Variants in PPP4R2 observed in about 807,000 individuals in gnomAD.
PPP4R2 encodes the protein protein phosphatase 4 regulatory subunit 2, also known as serine/threonine-protein phosphatase 4 regulatory subunit 2.
PPP4R2 carries 13 observed loss-of-function variants against 47.2 expected under a neutral mutation model. The observed-to-expected ratio is 0.28, with a 90% CI of 0.18 to 0.44. The LOEUF (loss-of-function observed/expected upper bound fraction) is 0.44, where lower values mean the gene tolerates loss of function less well. Among genes scored for constraint, PPP4R2 ranks in the 20% least tolerant of loss-of-function variants. The probability of loss-of-function intolerance (pLI) is 1.00; values close to 1 mark genes in which losing one functional copy is unlikely to be tolerated. For missense variants in PPP4R2, 421 were observed against 491.2 expected, an observed-to-expected ratio of 0.86 and a Z score of 1.35; for synonymous variants, 151 against 163.3, an observed-to-expected ratio of 0.92 and a Z score of 0.57.
chr3:73,013,988 T>C (rs1402040022), intron 2 of PPP4R2, among the ~76,000 whole-genome samples: 1 of 132,994 alleles, frequency 7.5e-6, no homozygotes, highest in African/African-American at 2.6e-5. Context: ...CTCGTTGTCT[T>C]CATGGGCTGC....
At chr3:73,032,836 T>G (rs996376259) in intron 2 of PPP4R2, among the ~76,000 whole-genome samples, 1 of 152,182 alleles carries the variant, frequency 6.6e-6, no homozygotes, top group African/African-American at 2.4e-5. Flanking sequence ...TTAATGCTAT[T>G]TTTTTCATTT....
rs941589974 is a variant in PPP4R2 at position 73,002,728 on chromosome 3, G to T, written c.116+4570G>T. On this transcript the variant is annotated intron_variant, in intron 2 of 8. Transcript: ENST00000356692. ...GCGATCTCGGCTCGCTACAACCTCT[G>T]CCTCCTGGGTTCAAGCGATTTTCCT... Among the ~76,000 whole-genome samples the T allele has an allele frequency of 4.9e-5, 7 of 141,842 alleles. No homozygotes were observed. The Admixed American group carries it at 5.4e-4, about 11-fold the overall frequency. 93.1% of individuals were successfully genotyped at this position (141,842 alleles called of 152,430 possible). A position where few individuals can be genotyped will look rare whatever the true frequency, so the allele number is the denominator to read the frequency against.
At chr3:73,006,190 A>AT (rs71624000) in intron 2 of PPP4R2, among the ~76,000 whole-genome samples, 2,441 of 123,908 alleles carry the variant, frequency 0.02, 189 homozygotes, top group African/African-American at 0.043. Context: ...ATATGCCACA[A>AT]TTTTTTTTTT....
At chr3:73,025,032 A>G (rs568884746) in intron 2 of PPP4R2, among the ~76,000 whole-genome samples, 5 of 152,236 alleles carry the variant, frequency 3.3e-5, no homozygotes, top group Admixed American at 3.3e-4. Flanking sequence ...TGTCTTCCAT[A>G]TTTCACATTT....
intron 3 of PPP4R2, among the ~76,000 whole-genome samples, chr3:73,054,562 A>G (rs560286918): frequency 6.6e-6 from 1 of 152,364 alleles, no homozygotes; most frequent in Non-Finnish European, 1.5e-5. Flanking sequence ...GTCAGAAAAG[A>G]CAGTAAAATC....
At chr3:73,042,344 G>T (rs1341439810) in intron 2 of PPP4R2, among the ~76,000 whole-genome samples, 1 of 144,300 alleles carries the variant, frequency 6.9e-6, no homozygotes, top group South Asian at 2.2e-4. Context: ...CCTGTTTTTT[G>T]TGCCTGAATA....
chr3:73,015,036 C>A (rs1701795388), intron 2 of PPP4R2: 2 of 596,638 alleles, frequency 3.4e-6, no homozygotes, highest in Non-Finnish European at 3.0e-6. Flanking sequence ...TACTCCTGGC[C>A]TGTTTATTAA....
At chr3:73,037,897 T>C (rs188172983) in intron 2 of PPP4R2, among the ~76,000 whole-genome samples, 15 of 152,358 alleles carry the variant, frequency 9.8e-5, no homozygotes, top group Admixed American at 4.6e-4. Flanking sequence ...GAATTTTGTT[T>C]TATTGTTTTA....
chr3:73,064,446 A>C (rs778093762), intron 7 of PPP4R2, among the ~76,000 whole-genome samples: 11 of 152,242 alleles, frequency 7.2e-5, no homozygotes, highest in Non-Finnish European at 1.5e-4. Context: ...CTTTATAAAT[A>C]AGTTGATTTT....
intron 2 of PPP4R2, among the ~76,000 whole-genome samples, chr3:73,042,446 C>T (rs1183039412): frequency 1.3e-5 from 2 of 149,014 alleles, no homozygotes; most frequent in African/African-American, 2.5e-5. Flanking sequence ...CTCACTGCAA[C>T]CTCCGCCTCC....
chr3:73,063,026 CAA>C (rs773726003), intron 5 of PPP4R2: 36 of 926,250 alleles, frequency 3.9e-5, no homozygotes, highest in Non-Finnish European at 5.2e-5. Context: ...AGAAAAAAAA[CAA>C]TGGTTAAAAA....
intron 2 of PPP4R2, among the ~76,000 whole-genome samples, chr3:73,006,537 A>G (rs564223976): frequency 6.6e-6 from 1 of 152,114 alleles, no homozygotes; most frequent in Non-Finnish European, 1.5e-5. Flanking sequence ...GGTTTTGTGA[A>G]GTGTTTTAAG....
chr3:72,999,762 C>T (rs1035771265), intron 2 of PPP4R2, among the ~76,000 whole-genome samples: 2 of 152,160 alleles, frequency 1.3e-5, no homozygotes, highest in Admixed American at 6.6e-5. Context: ...AATCCTCCAC[C>T]CCATATTCGG....
intron 2 of PPP4R2, among the ~76,000 whole-genome samples, chr3:73,030,323 A>G (rs1229574220): frequency 6.6e-6 from 1 of 152,186 alleles, no homozygotes; most frequent in East Asian, 1.9e-4. Context: ...GGGTGTGTAC[A>G]TGTACATGAC....
intron 4 of PPP4R2, among the ~76,000 whole-genome samples, chr3:73,060,739 C>T (rs546378034): frequency 6.6e-5 from 10 of 151,900 alleles, no homozygotes; most frequent in Admixed American, 5.2e-4. Context: ...TACTCTACTA[C>T]GTATAGTGTA....
intron 2 of PPP4R2, among the ~76,000 whole-genome samples, chr3:73,043,958 C>G (rs1488860578): frequency 2.0e-5 from 3 of 152,214 alleles, no homozygotes; most frequent in African/African-American, 7.2e-5. Flanking sequence ...ATTGACTATT[C>G]TTGATAGCTC....
chr3:73,040,880 C>T (rs942846430), intron 2 of PPP4R2, among the ~76,000 whole-genome samples: 2 of 152,006 alleles, frequency 1.3e-5, no homozygotes, highest in African/African-American at 4.8e-5. Context: ...AAAAATCTTG[C>T]CCTCAAAGAC....
intron 3 of PPP4R2, among the ~76,000 whole-genome samples, chr3:73,053,051 T>TA (rs1702652695): frequency 6.6e-6 from 1 of 152,240 alleles, no homozygotes; most frequent in Non-Finnish European, 1.5e-5. Flanking sequence ...AGAGAATGGG[T>TA]CCTTAGCCGT....
At chr3:73,045,940 A>G (rs1702476165) in intron 2 of PPP4R2, among the ~76,000 whole-genome samples, 1 of 152,228 alleles carries the variant, frequency 6.6e-6, no homozygotes, top group Non-Finnish European at 1.5e-5. Context: ...TACCTCTTTG[A>G]TATGCAGCAT....
Sources: allele counts gnomAD v4.1 joint callset (sites outside exome capture counted in the v4.1 genomes callset), GRCh38; gene constraint gnomAD v4.1.1; transcripts MANE v1.5; gene names NCBI Gene and HGNC (gene_info 2026-07-23, HGNC 2026-07-21).